CPA6: variants seen among roughly 807,000 people sequenced by gnomAD.
CPA6 encodes carboxypeptidase A6.
Under a neutral mutation model 63.3 loss-of-function variants are expected in CPA6, and 58 were observed. The observed-to-expected ratio is 0.92, with a 90% confidence interval of 0.74 to 1.14. CPA6 has a LOEUF of 1.14. Ranked by LOEUF, CPA6 falls within the 50% of genes most tolerant of loss-of-function variation. The pLI, the probability that CPA6 is intolerant of heterozygous loss-of-function variation, is 0.00. For missense variants in CPA6, 565 were observed against 526.6 expected (o/e 1.07, Z -0.71); for synonymous variants, 185 against 179.0 (o/e 1.03, Z -0.27).
chr8:67,456,275 AAAC>A (rs1430318732), intron 8 of CPA6, among the ~76,000 whole-genome samples: 4 of 152,172 alleles, frequency 2.6e-5, no homozygotes, highest in Admixed American at 6.5e-5. Context: ...TCCTTGGATA[AAAC>A]TTTCTTCCCT....
intron 2 of CPA6, among the ~76,000 whole-genome samples, chr8:67,541,541 C>T (rs554572783): frequency 1.5e-4 from 23 of 152,246 alleles, no homozygotes; most frequent in South Asian, 6.2e-4. Context: ...CAATCGATCA[C>T]GATCCTCTCT....
intron 1 of CPA6, among the ~76,000 whole-genome samples, chr8:67,741,465 A>C (rs2129004359): frequency 6.6e-6 from 1 of 152,320 alleles, no homozygotes; most frequent in South Asian, 2.1e-4. Context: ...GACCGGTTCC[A>C]GTTGATGGCC....
intron 1 of CPA6, among the ~76,000 whole-genome samples, chr8:67,720,613 T>C (rs1217525471): frequency 6.6e-6 from 1 of 152,168 alleles, no homozygotes; most frequent in Admixed American, 6.5e-5. Context: ...GTCAGAAAAC[T>C]GCGAGGGCCA....
At chr8:67,744,096 C>A (rs1817962867) in intron 1 of CPA6, among the ~76,000 whole-genome samples, 1 of 152,196 alleles carries the variant, frequency 6.6e-6, no homozygotes, top group Non-Finnish European at 1.5e-5. Flanking sequence ...CAAAGCTGAG[C>A]AGCATTTCTG....
At chr8:67,605,080 G>GT (rs34741776) in intron 2 of CPA6, among the ~76,000 whole-genome samples, 58,555 of 144,870 alleles carry the variant, frequency 0.4, 14,709 homozygotes, top group African/African-American at 0.71. Flanking sequence ...GCCCAGCCAC[G>GT]TTTTTTTTTT....
At chr8:67,601,700 T>C (rs1320993341) in intron 2 of CPA6, among the ~76,000 whole-genome samples, 2 of 152,198 alleles carry the variant, frequency 1.3e-5, no homozygotes, top group South Asian at 2.1e-4. Flanking sequence ...GTCTATTTTG[T>C]CTCTGAGTTA....
chr8:67,447,183 AT>A (rs1452176030), intron 8 of CPA6, among the ~76,000 whole-genome samples: 2 of 151,464 alleles, frequency 1.3e-5, no homozygotes, highest in African/African-American at 4.9e-5. Flanking sequence ...TAATCGTACA[AT>A]TTTTTTTGCC....
Position 67,509,544 on chromosome 8 carries a change from A to T in CPA6, c.507T>A (p.Tyr169Ter). 6.3e-7 allele frequency: 1 copy of T among 1,581,780 alleles called. No homozygotes were observed. Among genetic ancestry groups the T allele is most frequent in the Admixed American group, 1.7e-5 (1 of 58,368 alleles). The part of the protein sequence containing the change: ...LIHMFSIGRS[Y>*]EGRSLFILKL... ...TTAAAATAAAAAGAGATCTTCCCTC[A>T]TATGATCTTCCAATAGAGAACATGT... The change falls in exon 5 of 11, where the codon TAT becomes TAA. Residue 169 changes from tyrosine (Y) to a stop codon, truncating the protein, a stop_gained. Coordinates refer to ENST00000297770, the MANE Select transcript of CPA6 (RefSeq NM_020361.5). LOFTEE classifies it high-confidence loss of function.
intron 1 of CPA6, among the ~76,000 whole-genome samples, chr8:67,658,844 G>T (rs1292097563): frequency 6.6e-6 from 1 of 152,072 alleles, no homozygotes; most frequent in Non-Finnish European, 1.5e-5. Flanking sequence ...CATTCTGCTT[G>T]TCACACAGAA....
intron 8 of CPA6, among the ~76,000 whole-genome samples, chr8:67,461,971 A>C (rs1179549815): frequency 6.6e-6 from 1 of 151,888 alleles, no homozygotes; most frequent in Non-Finnish European, 1.5e-5. Flanking sequence ...GTGGTTGTGC[A>C]TTCTAGAGGC....
In CPA6 at chr8:67,428,036, A is replaced by G; in HGVS notation, c.1126+11T>C. 2 of 1,576,186 alleles carry G rather than the reference A, an allele frequency of 1.3e-6. No individual in the cohort carries two copies. Among genetic ancestry groups the G allele is most frequent in the Admixed American group, 1.7e-5 (1 of 59,570 alleles). On this transcript the variant is annotated intron_variant, in intron 10 of 10. Coordinates refer to ENST00000297770, the MANE Select transcript of CPA6 (RefSeq NM_020361.5). ...GAGAGGATTCTAACACAATGTACGC[A>G]GGAAACTTACACAACGTTGTGGAGG...
chr8:67,667,156 C>T (rs1261884787), intron 1 of CPA6, among the ~76,000 whole-genome samples: 1 of 152,156 alleles, frequency 6.6e-6, no homozygotes, highest in Non-Finnish European at 1.5e-5. Flanking sequence ...CTGGTGGACT[C>T]CCATTGCTGC....
At chr8:67,553,175 G>GGCTGACAGTGACTTAA (rs1289810829) in intron 2 of CPA6, among the ~76,000 whole-genome samples, 1 of 152,112 alleles carries the variant, frequency 6.6e-6, no homozygotes, top group Non-Finnish European at 1.5e-5. Context: ...TTTCACACCT[G>GGCTGACAGTGACTTAA]GCTGACAGTG....
At position 67,628,272 on chromosome 8, in the gene CPA6, C is replaced by T. The variant is rs532983988; in HGVS notation, c.117-4021G>A. ...GGTTTGACACCTCCCATATTGATTG[C>T]CATTCTTCTGTGCCTTGACTGTGCA... On this transcript the variant is annotated intron_variant, in intron 1 of 10. Coordinates refer to ENST00000297770, the MANE Select transcript of CPA6 (RefSeq NM_020361.5). 3.9e-5 allele frequency among the ~76,000 whole-genome samples: 6 copies of T among 152,208 alleles called. No homozygotes were observed. The South Asian group carries it at 1.2e-3, about 32-fold the overall frequency.
chr8:67,692,111 C>A (rs1215723338), intron 1 of CPA6, among the ~76,000 whole-genome samples: 3 of 152,002 alleles, frequency 2.0e-5, no homozygotes, highest in African/African-American at 4.8e-5. Flanking sequence ...CCGAGGCCAG[C>A]GGATCACCTG....
chr8:67,629,305 AAAAT>A (rs558176637), intron 1 of CPA6, among the ~76,000 whole-genome samples: 6 of 151,498 alleles, frequency 4.0e-5, no homozygotes, highest in Non-Finnish European at 5.9e-5. Flanking sequence ...TGTCTCCGCA[AAAAT>A]AAATAAATAA....
At chr8:67,713,099 G>GTGTGTGTATATATA (rs1328463977) in intron 1 of CPA6, among the ~76,000 whole-genome samples, 10 of 55,034 alleles carry the variant, frequency 1.8e-4, no homozygotes, top group African/African-American at 5.2e-4. Context: ...GTGTGTGTGT[G>GTGTGTGTATATATA]TATATATATA....
intron 2 of CPA6, among the ~76,000 whole-genome samples, chr8:67,565,419 CACTT>C (rs1284380234): frequency 6.6e-6 from 1 of 152,158 alleles, no homozygotes; most frequent in Non-Finnish European, 1.5e-5. Context: ...AAATGACACT[CACTT>C]TGAAGGCTGT....
chr8:67,451,922 A>T (rs1810565594), intron 8 of CPA6, among the ~76,000 whole-genome samples: 1 of 152,260 alleles, frequency 6.6e-6, no homozygotes, highest in East Asian at 1.9e-4. Flanking sequence ...TGAGATACTT[A>T]AACAATCTTT....
Sources: allele counts gnomAD v4.1 joint callset (sites outside exome capture counted in the v4.1 genomes callset), GRCh38; gene constraint gnomAD v4.1.1; transcripts MANE v1.5; gene names NCBI Gene and HGNC (gene_info 2026-07-23, HGNC 2026-07-21).